The following KAZN variants were observed in gnomAD, a reference collection of about 807,000 sequenced individuals.
KAZN encodes kazrin, periplakin interacting protein.
In KAZN, 40 loss-of-function variants were observed where a neutral mutation model predicts 87.4. The observed-to-expected ratio is 0.46, with a 90% confidence interval of 0.36 to 0.60. The LOEUF (loss-of-function observed/expected upper bound fraction) is 0.60. KAZN is among the 20% of genes least tolerant of loss of function. The pLI is 0.00. For synonymous variants in KAZN, 466 were observed against 458.3 expected, an observed-to-expected ratio of 1.02 and a Z score of -0.22; for missense variants, 898 against 1,073.9, an observed-to-expected ratio of 0.84 and a Z score of 2.29.
chr1:14,948,046 G>T (rs1185241169), intron 1 of KAZN, among the ~76,000 whole-genome samples: 3 of 152,206 alleles, frequency 2.0e-5, no homozygotes, highest in African/African-American at 7.2e-5. Flanking sequence ...GAAGAACTAA[G>T]TTCCCTTGTC....
In KAZN at chr1:14,976,354, C is replaced by T. The variant is rs141260168; in HGVS notation, c.418+15479C>T. Among the ~76,000 whole-genome samples the T allele has an allele frequency of 4.4e-3, 665 of 152,280 alleles. 7 individuals are homozygous for T. Among genetic ancestry groups the T allele is most frequent in the South Asian group, 0.03 (147 of 4,832 alleles). ...GGCCAGGCCTACTGTGGAGGCCAGT[C>T]ACTCTTGCCCCGGCCACAAGAAGGA... On this transcript the variant is annotated intron_variant, in intron 2 of 14. Coordinates refer to ENST00000376030, the MANE Select transcript of KAZN (RefSeq NM_201628.3).
chr1:15,048,642 G>A (rs1048465948), intron 4 of KAZN, among the ~76,000 whole-genome samples: 136 of 148,734 alleles, frequency 9.1e-4, no homozygotes, highest in Middle Eastern at 3.4e-3. Flanking sequence ...CTGGGTCGTC[G>A]GTCCTGGGTC....
chr1:14,565,041 A>T (rs764991939), intron 2 of KAZN, among the ~76,000 whole-genome samples: 3 of 152,202 alleles, frequency 2.0e-5, no homozygotes, highest in Non-Finnish European at 4.4e-5. Context: ...GAAGCTTTGC[A>T]TACACCAAAA....
intron 2 of KAZN, among the ~76,000 whole-genome samples, chr1:14,373,049 G>A (rs1450783148): frequency 6.6e-6 from 1 of 152,106 alleles, no homozygotes; most frequent in Non-Finnish European, 1.5e-5. Flanking sequence ...TGAGTAGGAG[G>A]TTGCCACGTG....
chr1:14,334,364 CAAAAAAAAAAAAA>C (rs34525897), intron 2 of KAZN, among the ~76,000 whole-genome samples: 1 of 61,380 alleles, frequency 1.6e-5, no homozygotes, highest in South Asian at 9.7e-4. Context: ...GATTCCATCT[CAAAAAAAAAAAAA>C]AAAAAAAAAA....
chr1:14,904,376 G>A (rs972373331), intron 1 of KAZN, among the ~76,000 whole-genome samples: 5 of 150,954 alleles, frequency 3.3e-5, no homozygotes, highest in South Asian at 2.1e-4. Flanking sequence ...GGAGACCAAC[G>A]CCTATAAAAA....
intron 2 of KAZN, among the ~76,000 whole-genome samples, chr1:14,424,728 A>G (rs576349947): frequency 6.6e-6 from 1 of 152,194 alleles, no homozygotes; most frequent in Non-Finnish European, 1.5e-5. Context: ...CTACGCTTCA[A>G]CAGCTTCTGC....
At chr1:13,979,667 G>T (rs1638558321) in intron 1 of KAZN, among the ~76,000 whole-genome samples, 1 of 152,136 alleles carries the variant, frequency 6.6e-6, no homozygotes, top group Non-Finnish European at 1.5e-5. Flanking sequence ...GATGGCACAC[G>T]CCTGTAATCC....
intron 2 of KAZN, among the ~76,000 whole-genome samples, chr1:15,008,930 T>TC (rs371239492): frequency 6.6e-6 from 1 of 152,210 alleles, no homozygotes; most frequent in Non-Finnish European, 1.5e-5. Flanking sequence ...TTCCTGTTAT[T>TC]CCCCCCTGGA....
In KAZN at chr1:14,197,559, G is replaced by A. The variant is rs982849926; in HGVS notation, c.249+16967G>A. Among the ~76,000 whole-genome samples, 8 of 151,818 alleles carry A rather than the reference G, an allele frequency of 5.3e-5. No homozygotes were observed. In the South Asian group the frequency reaches 6.2e-4, roughly 12 times the overall value. ...AAAAATTAGCCAGGCGTGGTGGCAC[G>A]TGCCTGTAATCCCAGCTACTTGGGA... On this transcript the variant is annotated intron_variant, in intron 2 of 16. Coordinates refer to the KAZN transcript ENST00000636203.
chr1:14,780,082 G>A (rs1394223278), intron 1 of KAZN, among the ~76,000 whole-genome samples: 1 of 152,180 alleles, frequency 6.6e-6, no homozygotes, highest in African/African-American at 2.4e-5. Context: ...TATTGTCTGA[G>A]TCCCAAGGGA....
chr1:13,920,490 G>C (rs1640024653), intron 1 of KAZN, among the ~76,000 whole-genome samples: 1 of 152,050 alleles, frequency 6.6e-6, no homozygotes, highest in African/African-American at 2.4e-5. Context: ...GGCTCACCAG[G>C]TGTACATGTT....
intron 2 of KAZN, among the ~76,000 whole-genome samples, chr1:14,472,884 A>T (rs1479819987): frequency 6.6e-6 from 1 of 152,176 alleles, no homozygotes; most frequent in Non-Finnish European, 1.5e-5. Context: ...AGTCGATTAG[A>T]TATGGGCCCT....
chr1:14,833,288 C>G (rs748384948), intron 1 of KAZN, among the ~76,000 whole-genome samples: 1 of 151,800 alleles, frequency 6.6e-6, no homozygotes, highest in African/African-American at 2.4e-5. Flanking sequence ...TGTCCATGCC[C>G]CCCCACTGTC....
chr1:14,637,491 G>A (rs940503565), intron 1 of KAZN, among the ~76,000 whole-genome samples: 1 of 152,166 alleles, frequency 6.6e-6, no homozygotes, highest in Admixed American at 6.5e-5. Flanking sequence ...GGACAAAGGT[G>A]GCTTGACTAA....
intron 1 of KAZN, among the ~76,000 whole-genome samples, chr1:14,054,150 A>G (rs1005519219): frequency 6.6e-6 from 1 of 152,020 alleles, no homozygotes; most frequent in Non-Finnish European, 1.5e-5. Context: ...AAATTTTCCA[A>G]TATATTTACT....
At chr1:13,915,634 A>G (rs1639823680) in intron 1 of KAZN, among the ~76,000 whole-genome samples, 1 of 152,100 alleles carries the variant, frequency 6.6e-6, no homozygotes, top group Admixed American at 6.5e-5. Context: ...CTCCCACCCT[A>G]GGTTGGAACA....
chr1:13,984,245 C>T (rs546024864), intron 1 of KAZN, among the ~76,000 whole-genome samples: 48 of 152,260 alleles, frequency 3.2e-4, no homozygotes, highest in African/African-American at 1.1e-3. Flanking sequence ...CTTCTGACCT[C>T]GTGATCTGCC....
At chr1:14,468,209 A>G (rs1044880973) in intron 2 of KAZN, among the ~76,000 whole-genome samples, 1 of 152,206 alleles carries the variant, frequency 6.6e-6, no homozygotes. Flanking sequence ...CTTTATGTTC[A>G]TGTTTTAATT....
Sources: gnomAD v4.1 joint callset for allele counts (sites outside exome capture counted in the v4.1 genomes callset) on GRCh38, gnomAD v4.1.1 for gene constraint, MANE v1.5 for transcripts, NCBI Gene and HGNC (gene_info 2026-07-23, HGNC 2026-07-21) for gene names.